The following FUT9 variants were observed in gnomAD, a reference collection of about 807,000 sequenced individuals.
FUT9 encodes the protein 4-galactosyl-N-acetylglucosaminide 3-alpha-L-fucosyltransferase 9.
FUT9 carries 15 observed loss-of-function variants against 29.7 expected under a neutral mutation model. The ratio of observed to expected loss-of-function variants is 0.51; its 90% confidence interval spans 0.34 to 0.78. The LOEUF (loss-of-function observed/expected upper bound fraction) is 0.78. Among genes scored for constraint, FUT9 ranks in the 30% least tolerant of loss-of-function variants. The pLI, the probability that FUT9 is intolerant of heterozygous loss-of-function variation, is 0.01. For missense variants in FUT9, 319 were observed against 425.4 expected, an observed-to-expected ratio of 0.75 and a Z score of 2.20; for synonymous variants, 169 against 153.7, an observed-to-expected ratio of 1.10 and a Z score of -0.74.
chr6:96,079,735 G>A (rs1312157982), intron 1 of FUT9, among the ~76,000 whole-genome samples: 1 of 151,880 alleles, frequency 6.6e-6, no homozygotes, highest in Non-Finnish European at 1.5e-5. Context: ...CAACATAATC[G>A]GAACTGAAAA....
intron 2 of FUT9, among the ~76,000 whole-genome samples, chr6:96,121,551 T>G (rs1477056635): frequency 6.6e-6 from 1 of 152,182 alleles, no homozygotes; most frequent in African/African-American, 2.4e-5. Flanking sequence ...TTTAAAACCA[T>G]GCATATTAAC....
In FUT9 at chr6:96,102,467, A is replaced by C. The variant is rs143344679; in HGVS notation, c.-97-11572A>C. Among the ~76,000 whole-genome samples the C allele has an allele frequency of 8.4e-4, 128 of 152,122 alleles. 1 individual carries two copies. The highest frequency in any genetic ancestry group is 1.1e-3 in the Non-Finnish European group (78 of 67,966). ...AGTCCTTGGATCTGTAATTGCCTTG[A>C]ATTTTTTTGGCCAATAAAATTTTCA... On this transcript the variant is annotated intron_variant, in intron 1 of 2. Transcript: ENST00000302103.
chr6:96,022,086 T>C lies in FUT9; in HGVS notation c.-98+5874T>C, dbSNP rs549907642. 3.4e-4 allele frequency among the ~76,000 whole-genome samples: 51 copies of C among 152,124 alleles called. 1 individual carries two copies. The South Asian group carries it at 6.6e-3, about 20-fold the overall frequency. The stretch of plus-strand genomic sequence containing the variant: ...GAAAGTGTCTGAGTTACATGGGTAA[T>C]ATGATTAGAGAGCTTCAAGGAAAAA... On this transcript the variant is annotated intron_variant, in intron 1 of 2. Coordinates refer to ENST00000302103, the MANE Select transcript of FUT9 (RefSeq NM_006581.4).
intron 1 of FUT9, among the ~76,000 whole-genome samples, chr6:96,051,788 G>A (rs949465595): frequency 1.4e-4 from 21 of 151,778 alleles, no homozygotes; most frequent in Non-Finnish European, 2.1e-4. Context: ...TTAAATACAT[G>A]AGTAAATATA....
chr6:96,203,052 T>C (rs1773756375), intron 2 of FUT9, 96 bp from the exon 3 acceptor site: 1 of 897,468 alleles, frequency 1.1e-6, no homozygotes, highest in African/African-American at 1.7e-5. Context: ...TACTTGTTTA[T>C]CTCATATTTA....
chr6:96,133,130 A>C (rs563560257), intron 2 of FUT9, among the ~76,000 whole-genome samples: 21 of 151,988 alleles, frequency 1.4e-4, no homozygotes, highest in South Asian at 2.1e-4. Flanking sequence ...TTTTTTAAAA[A>C]TAATAATAAC....
intron 2 of FUT9, among the ~76,000 whole-genome samples, chr6:96,137,239 A>G (rs938708316): frequency 6.6e-6 from 1 of 151,980 alleles, no homozygotes; most frequent in Admixed American, 6.6e-5. Flanking sequence ...AGAGCCCCCA[A>G]TGGCCAATTT....
intron 1 of FUT9, among the ~76,000 whole-genome samples, chr6:96,074,927 C>G (rs956731865): frequency 2.0e-5 from 3 of 151,916 alleles, no homozygotes; most frequent in African/African-American, 7.3e-5. Flanking sequence ...CAAGCTCACG[C>G]CACCATGGCC....
At position 96,117,311 on chromosome 6, in the gene FUT9, A is replaced by G. The variant is rs563320258; in HGVS notation, c.-9+3184A>G. Among the ~76,000 whole-genome samples, 3 of 152,362 alleles carry G rather than the reference A, an allele frequency of 2.0e-5. No individual in the cohort carries two copies. In the East Asian group the frequency reaches 5.8e-4, roughly 29 times the overall value. Reference sequence around the variant, plus strand: ...GCTAGAGAAAGAAGTTATAATCAGCAAGGAGAGATGGCTAAAATTAACCTT... The same window carrying G: ...GCTAGAGAAAGAAGTTATAATCAGCGAGGAGAGATGGCTAAAATTAACCTT... On this transcript the variant is annotated intron_variant, in intron 2 of 2. Transcript: ENST00000302103.
intron 2 of FUT9, among the ~76,000 whole-genome samples, chr6:96,156,506 T>TTA (rs560897084): frequency 6.6e-5 from 10 of 152,092 alleles, no homozygotes; most frequent in Admixed American, 5.2e-4. Flanking sequence ...GTACAAGGGC[T>TTA]TATATATATA....
At chr6:96,090,882 CACAA>C (rs374592491) in intron 1 of FUT9, among the ~76,000 whole-genome samples, 7 of 151,882 alleles carry the variant, frequency 4.6e-5, no homozygotes, top group African/African-American at 7.2e-5. Context: ...CATAGGATTA[CACAA>C]ACAAAGGGAA....
chr6:96,129,087 C>T (rs575916082), intron 2 of FUT9, among the ~76,000 whole-genome samples: 1 of 141,008 alleles, frequency 7.1e-6, no homozygotes, highest in African/African-American at 2.6e-5. Context: ...GAAACCCTGT[C>T]TCTACTAAAA....
At chr6:96,047,681 A>G (rs1417699441) in intron 1 of FUT9, among the ~76,000 whole-genome samples, 1 of 152,188 alleles carries the variant, frequency 6.6e-6, no homozygotes. Flanking sequence ...AGCCCCTGAC[A>G]CCACTATAAG....
At chr6:96,033,978 A>T (rs1377624725) in intron 1 of FUT9, among the ~76,000 whole-genome samples, 1 of 151,630 alleles carries the variant, frequency 6.6e-6, no homozygotes, top group African/African-American at 2.4e-5. Context: ...ACCCTCCAAA[A>T]TTTAAAAAAA....
chr6:96,042,814 T>C (rs1770487463), intron 1 of FUT9, among the ~76,000 whole-genome samples: 1 of 152,158 alleles, frequency 6.6e-6, no homozygotes, highest in African/African-American at 2.4e-5. Flanking sequence ...ATTATTCTGT[T>C]CATTTCACAC....
At chr6:96,034,892 A>C (rs1252595078) in intron 1 of FUT9, among the ~76,000 whole-genome samples, 3 of 151,756 alleles carry the variant, frequency 2.0e-5, no homozygotes, top group Admixed American at 6.6e-5. Context: ...TTTTGGAACA[A>C]TGGCCTATTA....
chr6:96,079,728 C>T (rs1188552485), intron 1 of FUT9, among the ~76,000 whole-genome samples: 1 of 151,824 alleles, frequency 6.6e-6, no homozygotes, highest in Non-Finnish European at 1.5e-5. Context: ...GAAAAAGCAA[C>T]ATAATCGGAA....
At chr6:96,143,136 A>C (rs139471770) in intron 2 of FUT9, among the ~76,000 whole-genome samples, 256 of 152,334 alleles carry the variant, frequency 1.7e-3, no homozygotes, top group Middle Eastern at 6.8e-3. Context: ...AATTAGGTAG[A>C]AGAGGTGATT....
At chr6:96,070,599 A>C (rs1249659206) in intron 1 of FUT9, among the ~76,000 whole-genome samples, 1 of 152,080 alleles carries the variant, frequency 6.6e-6, no homozygotes, top group Non-Finnish European at 1.5e-5. Flanking sequence ...AAGTGGGAGG[A>C]TTGCTTGAGC....
Sources: allele counts gnomAD v4.1 joint callset (sites outside exome capture counted in the v4.1 genomes callset), GRCh38; gene constraint gnomAD v4.1.1; transcripts MANE v1.5; gene names NCBI Gene and HGNC (gene_info 2026-07-23, HGNC 2026-07-21).